Variants in ETV6 observed in about 807,000 individuals in gnomAD.
ETV6 encodes ETS variant transcription factor 6.
Under a neutral mutation model 51.1 loss-of-function variants are expected in ETV6, and 16 were observed. The ratio of observed to expected loss-of-function variants is 0.31; its 90% CI spans 0.21 to 0.48. ETV6 has a LOEUF of 0.48. ETV6 is among the 20% of genes least tolerant of loss of function. ETV6 has a pLI of 0.99. For synonymous variants in ETV6, 240 were observed against 224.1 expected (o/e 1.07, Z -0.64); for missense variants, 458 against 594.8 (o/e 0.77, Z 2.39).
At chr12:11,680,743 C>T (rs1158389899) in intron 1 of ETV6, among the ~76,000 whole-genome samples, 1 of 152,188 alleles carries the variant, frequency 6.6e-6, no homozygotes, top group Non-Finnish European at 1.5e-5. Context: ...ATCTCTTAGA[C>T]AGTAGTTGTA....
intron 2 of ETV6, among the ~76,000 whole-genome samples, chr12:11,819,403 C>T (rs184672306): frequency 1.7e-4 from 26 of 152,316 alleles, no homozygotes; most frequent in African/African-American, 6.3e-4. Context: ...AAATGTTTTC[C>T]TCTGGAAAAC....
intron 5 of ETV6, among the ~76,000 whole-genome samples, chr12:11,874,409 T>C (rs180713631): frequency 1.4e-4 from 13 of 89,952 alleles, no homozygotes; most frequent in African/African-American, 3.9e-4. Flanking sequence ...TATATATATA[T>C]GTGTGTATAT....
intron 1 of ETV6, among the ~76,000 whole-genome samples, chr12:11,660,325 C>T (rs548082465): frequency 9.9e-5 from 15 of 151,404 alleles, no homozygotes; most frequent in African/African-American, 2.2e-4. Context: ...GGAGATGGGG[C>T]GGGGCGTGGT....
At chr12:11,670,700 G>C (rs538486547) in intron 1 of ETV6, among the ~76,000 whole-genome samples, 1 of 152,262 alleles carries the variant, frequency 6.6e-6, no homozygotes, top group Non-Finnish European at 1.5e-5. Flanking sequence ...GTGGCTTGTA[G>C]GATCAGTTTT....
chr12:11,659,004 G>A (rs903177941), intron 1 of ETV6, among the ~76,000 whole-genome samples: 1 of 152,210 alleles, frequency 6.6e-6, no homozygotes, highest in African/African-American at 2.4e-5. Flanking sequence ...TTGAAAGAGA[G>A]CATCAATTCT....
At chr12:11,851,886 A>G (rs1013507820) in intron 3 of ETV6, among the ~76,000 whole-genome samples, 1 of 152,236 alleles carries the variant, frequency 6.6e-6, no homozygotes, top group Non-Finnish European at 1.5e-5. Context: ...AAAGAAATTA[A>G]TATGGAACGT....
At chr12:11,674,263 A>T (rs1358210436) in intron 1 of ETV6, among the ~76,000 whole-genome samples, 2 of 152,132 alleles carry the variant, frequency 1.3e-5, no homozygotes, top group Non-Finnish European at 2.9e-5. Flanking sequence ...AAAATGCCAG[A>T]GGATGTTCAA....
intron 1 of ETV6, among the ~76,000 whole-genome samples, chr12:11,684,181 C>G (rs916108018): frequency 1.1e-4 from 16 of 152,222 alleles, no homozygotes; most frequent in Non-Finnish European, 2.4e-4. Context: ...TGTGTACATG[C>G]AGTTCTTTCA....
intron 2 of ETV6, chr12:11,826,256 G>A (rs1050877867): frequency 1.3e-5 from 2 of 152,160 alleles, no homozygotes; most frequent in African/African-American, 4.8e-5. Flanking sequence ...TGGTGGATTA[G>A]CATTACTTGC....
At chr12:11,788,020 A>C (rs1386463960) in intron 2 of ETV6, among the ~76,000 whole-genome samples, 1 of 152,222 alleles carries the variant, frequency 6.6e-6, no homozygotes, top group Non-Finnish European at 1.5e-5. Context: ...AAGCACAATA[A>C]GAAAACATTT....
chr12:11,865,107 C>T (rs146253717), intron 4 of ETV6, among the ~76,000 whole-genome samples: 4,450 of 152,020 alleles, frequency 0.029, 118 homozygotes, highest in Non-Finnish European at 0.043. Flanking sequence ...AAAAATTAGC[C>T]AGGCATGGTG....
chr12:11,703,548 G>C (rs2120848653), intron 1 of ETV6, among the ~76,000 whole-genome samples: 1 of 151,894 alleles, frequency 6.6e-6, no homozygotes, highest in South Asian at 2.1e-4. Context: ...CACATACTCT[G>C]CCCTTATGGG....
chr12:11,763,207 T>C (rs369384304), intron 2 of ETV6, among the ~76,000 whole-genome samples: 6 of 152,344 alleles, frequency 3.9e-5, no homozygotes, highest in African/African-American at 1.4e-4. Context: ...ACTTCTCCTA[T>C]GAGGTGGTAG....
At chr12:11,825,569 C>T (rs994893397) in intron 2 of ETV6, 2 of 152,188 alleles carry the variant, frequency 1.3e-5, no homozygotes, top group Admixed American at 6.5e-5. Context: ...ATTTGGGGCC[C>T]ACCTGCATAA....
intron 2 of ETV6, among the ~76,000 whole-genome samples, chr12:11,770,410 A>C (rs1389462123): frequency 6.6e-6 from 1 of 151,910 alleles, no homozygotes; most frequent in Non-Finnish European, 1.5e-5. Flanking sequence ...CCCATGTTAA[A>C]GGAAGCCAGA....
intron 1 of ETV6, among the ~76,000 whole-genome samples, chr12:11,735,240 C>T (rs1383332809): frequency 6.6e-6 from 1 of 152,016 alleles, no homozygotes; most frequent in African/African-American, 2.4e-5. Flanking sequence ...TTCACATGGC[C>T]ACTTCTGCTG....
At chr12:11,778,293 C>G (rs1945362364) in intron 2 of ETV6, among the ~76,000 whole-genome samples, 5 of 152,238 alleles carry the variant, frequency 3.3e-5, no homozygotes, top group South Asian at 2.1e-4. Context: ...CCTGGGCAGC[C>G]TGGCGAGCGC....
intron 1 of ETV6, among the ~76,000 whole-genome samples, chr12:11,724,296 G>C (rs1455693889): frequency 2.0e-5 from 3 of 152,166 alleles, no homozygotes; most frequent in African/African-American, 7.2e-5. Context: ...TTGGCAGGCA[G>C]CTCCCAGAGA....
chr12:11,659,380 C>T (rs763207042), intron 1 of ETV6, among the ~76,000 whole-genome samples: 23 of 152,164 alleles, frequency 1.5e-4, no homozygotes, highest in Non-Finnish European at 3.1e-4. Flanking sequence ...CCACCTGTCC[C>T]TCCTACCACC....
Sources: gnomAD v4.1 joint callset for allele counts (sites outside exome capture counted in the v4.1 genomes callset) on GRCh38, gnomAD v4.1.1 for gene constraint, MANE v1.5 for transcripts, NCBI Gene and HGNC (gene_info 2026-07-23, HGNC 2026-07-21) for gene names.